The following ZFYVE28 variants were observed in gnomAD, a reference collection of about 807,000 sequenced individuals.
ZFYVE28 encodes the protein lateral signaling target protein 2 homolog.
In ZFYVE28, 40 loss-of-function variants were observed where a neutral mutation model predicts 82.1. The observed-to-expected ratio is 0.49, with a 90% CI of 0.38 to 0.63. ZFYVE28 has a LOEUF of 0.63. ZFYVE28 is among the 30% of genes least tolerant of loss of function. ZFYVE28 has a pLI of 0.00. For synonymous variants in ZFYVE28, 612 were observed against 546.1 expected, an observed-to-expected ratio of 1.12 and a Z score of -1.68; for missense variants, 1,321 against 1,242.1, an observed-to-expected ratio of 1.06 and a Z score of -0.96.
intron 2 of ZFYVE28, among the ~76,000 whole-genome samples, chr4:2,349,790 C>CA (rs1209612080): frequency 2.0e-5 from 3 of 151,428 alleles, no homozygotes; most frequent in Admixed American, 6.6e-5. Context: ...CGTTGACACA[C>CA]AAAAAAAGCA....
chr4:2,337,818 T>A (rs1485356922), intron 4 of ZFYVE28, among the ~76,000 whole-genome samples: 1 of 152,028 alleles, frequency 6.6e-6, no homozygotes, highest in Non-Finnish European at 1.5e-5. Flanking sequence ...CTGCAGTGAA[T>A]GGTGATGGTG....
At position 2,374,058 on chromosome 4, in the gene ZFYVE28, G is replaced by A. The variant is rs547094100; in HGVS notation, c.40-19985C>T. Among the ~76,000 whole-genome samples the A allele has an allele frequency of 1.1e-4, 17 of 152,146 alleles. No individual in the cohort carries two copies. In the South Asian group the frequency reaches 2.3e-3, roughly 20 times the overall value. On this transcript the variant is annotated intron_variant, in intron 1 of 12. Transcript: ENST00000290974. Reference sequence around the variant, plus strand: ...CAAGATGGGCTTCATCCAACCCATGGGTCTCCAAGAGCTCCTCACTCTGAA... The same window carrying A: ...CAAGATGGGCTTCATCCAACCCATGAGTCTCCAAGAGCTCCTCACTCTGAA...
At chr4:2,280,495 G>A (rs777642943) in intron 8 of ZFYVE28, among the ~76,000 whole-genome samples, 7 of 152,254 alleles carry the variant, frequency 4.6e-5, no homozygotes, top group South Asian at 2.1e-4. Context: ...CCTGGGCAAC[G>A]AGCAAGACCC....
rs1280765571 is a variant in ZFYVE28, at chr4:2,320,886, C to G, written c.702-615G>C. 6.6e-6 allele frequency among the ~76,000 whole-genome samples: 1 copy of G among 152,158 alleles called. No individual in the cohort carries two copies. Among genetic ancestry groups the G allele is most frequent in the Non-Finnish European group, 1.5e-5 (1 of 68,022 alleles). On this transcript the variant is annotated intron_variant, in intron 6 of 12. Transcript: ENST00000290974. The surrounding 1 kb of genome is among the most constrained non-coding windows in gnomAD (Gnocchi z 5.1). ...TGGGGCCGCATGTGGCTGAGGCCGG[C>G]TTTCCTCACTGTCCCTCCCCCAGAG...
At chr4:2,278,534 G>C (rs1427826134) in intron 8 of ZFYVE28, among the ~76,000 whole-genome samples, 1 of 151,902 alleles carries the variant, frequency 6.6e-6, no homozygotes, top group Non-Finnish European at 1.5e-5. Context: ...TGTGGCGTTA[G>C]GCTAGGCCAC....
rs367615403 is a variant in ZFYVE28 at position 2,362,944 on chromosome 4, C to A, written c.40-8871G>T. Reference sequence around the variant, plus strand: ...TCTCTCAGGACTCGGTACTGGCCCTCCCTGTGGCCTTCGGGCCCACACGTG... The same window carrying A: ...TCTCTCAGGACTCGGTACTGGCCCTACCTGTGGCCTTCGGGCCCACACGTG... On this transcript the variant is annotated intron_variant, in intron 1 of 12. Transcript: ENST00000290974. This position sits in a 1 kb window ranked among gnomAD's most constrained non-coding sequence, Gnocchi z 5.1. 2.3e-3 allele frequency among the ~76,000 whole-genome samples: 344 copies of A among 152,262 alleles called. 2 individuals are homozygous for A. The highest frequency in any genetic ancestry group is 4.9e-3 in the African/African-American group (205 of 41,570).
At chr4:2,318,546 T>C (rs560686474) in intron 7 of ZFYVE28, among the ~76,000 whole-genome samples, 1 of 152,318 alleles carries the variant, frequency 6.6e-6, no homozygotes, top group East Asian at 1.9e-4. Context: ...GGATAAGTCC[T>C]CAAACCCTGA....
chr4:2,388,726 G>C (rs1729526477), intron 1 of ZFYVE28, among the ~76,000 whole-genome samples: 1 of 152,070 alleles, frequency 6.6e-6, no homozygotes, highest in African/African-American at 2.4e-5. Context: ...CACTTCCGAG[G>C]GCTGGGTCTA....
rs181093304 is a variant in ZFYVE28, at chr4:2,280,200, A to G, written c.2052-5984T>C. ...TGGAAATGTTAAAATATGAAATGAA[A>G]AATGTAGCATTTAAAAAATTAGAGG... is the stretch of plus-strand genomic sequence containing the variant. On this transcript the variant is annotated intron_variant, in intron 8 of 12. Transcript: ENST00000290974. Among the ~76,000 whole-genome samples the G allele has an allele frequency of 2.2e-3, 336 of 152,338 alleles. 1 individual carries two copies. The highest frequency in any genetic ancestry group is 1.3e-3 in the Non-Finnish European group (89 of 68,038).
Position 2,300,611 on chromosome 4 carries a change from C to CGT in ZFYVE28, c.2051+3676_2051+3677dup, listed in dbSNP as rs1336807822. Among the ~76,000 whole-genome samples the CGT allele has an allele frequency of 1.3e-5, 2 of 152,086 alleles. No homozygotes were observed. The highest frequency in any genetic ancestry group is 2.9e-5 in the Non-Finnish European group (2 of 67,996). On this transcript the variant is annotated intron_variant, in intron 8 of 12. Coordinates refer to ENST00000290974, the MANE Select transcript of ZFYVE28 (RefSeq NM_020972.3). The surrounding 1 kb of genome is among the most constrained non-coding windows in gnomAD (Gnocchi z 4.6). ...TGCCAACCCACCTCCTGCGTGCATC[C>CGT]GTCCCCTGGCTGGTGGCTGGGAAGC...
At chr4:2,280,475 T>C (rs950024826) in intron 8 of ZFYVE28, among the ~76,000 whole-genome samples, 1 of 152,136 alleles carries the variant, frequency 6.6e-6, no homozygotes, top group Non-Finnish European at 1.5e-5. Context: ...ACCACTGCAC[T>C]CCACTCCAGC....
intron 2 of ZFYVE28, among the ~76,000 whole-genome samples, chr4:2,345,767 A>G (rs1723445522): frequency 6.6e-6 from 1 of 151,956 alleles, no homozygotes. Flanking sequence ...AAAACCAATA[A>G]AAAGAGAAAA....
chr4:2,360,206 G>A (rs979079075), intron 1 of ZFYVE28, among the ~76,000 whole-genome samples: 7 of 150,964 alleles, frequency 4.6e-5, no homozygotes, highest in Admixed American at 1.3e-4. Context: ...TCACGACCAC[G>A]AGGAACAACA....
At chr4:2,303,812 T>C (rs1283836918) in intron 8 of ZFYVE28, among the ~76,000 whole-genome samples, 11 of 152,208 alleles carry the variant, frequency 7.2e-5, no homozygotes, top group Admixed American at 7.2e-4. Context: ...CGGGTCTGCG[T>C]CTCGTTTCAG....
chr4:2,307,205 G>A (rs1319589469), intron 7 of ZFYVE28: 1 of 152,202 alleles, frequency 6.6e-6, no homozygotes, highest in Non-Finnish European at 1.5e-5. Flanking sequence ...TTTTCTCTAT[G>A]TAAAGTTCCT....
Position 2,418,543 on chromosome 4 carries a change from A to C in ZFYVE28, c.-220T>G. ...ATGCTCTGCAAGCGGCGCGCCGGGC[A>C]GACCTCAGACCCGGGAGTGGGCGCT... On this transcript the variant is annotated 5_prime_UTR_variant, in exon 1 of 13. Transcript: ENST00000290974. The surrounding 1 kb of genome is among the most constrained non-coding windows in gnomAD (Gnocchi z 4.6). 1 of 170,568 alleles carries C rather than the reference A, an allele frequency of 5.9e-6. No individual in the cohort carries two copies. Among genetic ancestry groups the C allele is most frequent in the Non-Finnish European group, 1.2e-5 (1 of 84,236 alleles). The allele number at this position is 170,568 out of a possible 1,614,324, so 10.6% of individuals were successfully genotyped here.
At chr4:2,371,657 A>G (rs890378929) in intron 1 of ZFYVE28, among the ~76,000 whole-genome samples, 1 of 152,200 alleles carries the variant, frequency 6.6e-6, no homozygotes, top group Non-Finnish European at 1.5e-5. Flanking sequence ...AAAACAGACA[A>G]ACAAACAAAC....
intron 7 of ZFYVE28, among the ~76,000 whole-genome samples, chr4:2,308,885 G>A (rs1272590777): frequency 6.6e-6 from 1 of 152,186 alleles, no homozygotes; most frequent in African/African-American, 2.4e-5. Flanking sequence ...TCCTCTCTCT[G>A]AATGGAATTG....
intron 1 of ZFYVE28, among the ~76,000 whole-genome samples, chr4:2,402,986 G>A (rs1184681320): frequency 6.6e-6 from 1 of 152,244 alleles, no homozygotes; most frequent in Non-Finnish European, 1.5e-5. Flanking sequence ...ATCCCCATTT[G>A]GGAGTCTCCA....
Sources: gnomAD v4.1 joint callset for allele counts (sites outside exome capture counted in the v4.1 genomes callset) on GRCh38, gnomAD v4.1.1 for gene constraint, Gnocchi (gnomAD v3.1) non-coding constraint, MANE v1.5 for transcripts, NCBI Gene and HGNC (gene_info 2026-07-23, HGNC 2026-07-21) for gene names.